Variants in UST observed in about 807,000 individuals in gnomAD.
UST encodes the protein uronyl 2-sulfotransferase.
Under a neutral mutation model 45.6 loss-of-function variants are expected in UST, and 21 were observed. That is an observed-to-expected ratio of 0.46 (90% CI 0.33 to 0.66). The LOEUF (loss-of-function observed/expected upper bound fraction) is 0.66. UST is among the 30% of genes least tolerant of loss of function. The probability of loss-of-function intolerance (pLI) is 0.02; values close to 1 mark genes in which losing one functional copy is unlikely to be tolerated. For synonymous variants in UST, 215 were observed against 200.6 expected, an observed-to-expected ratio of 1.07 and a Z score of -0.61; for missense variants, 463 against 512.4, an observed-to-expected ratio of 0.90 and a Z score of 0.93.
chr6:148,911,609 G>T (rs1037353899), intron 2 of UST, among the ~76,000 whole-genome samples: 7 of 151,654 alleles, frequency 4.6e-5, no homozygotes, highest in Non-Finnish European at 1.0e-4. Context: ...CAATCATTTG[G>T]CGTTGGAAAA....
intron 1 of UST, among the ~76,000 whole-genome samples, chr6:148,752,202 G>T (rs1327007005): frequency 2.6e-5 from 4 of 152,150 alleles, no homozygotes; most frequent in Non-Finnish European, 5.9e-5. Flanking sequence ...CTAAGTTTAA[G>T]TGCATTTAAA....
intron 1 of UST, among the ~76,000 whole-genome samples, chr6:148,756,875 G>T (rs1222517161): frequency 6.6e-6 from 1 of 152,132 alleles, no homozygotes; most frequent in Non-Finnish European, 1.5e-5. Context: ...TGCTTTGTTT[G>T]GTCTCTATTT....
chr6:148,958,414 C>G (rs1780570177), intron 4 of UST, among the ~76,000 whole-genome samples: 1 of 152,298 alleles, frequency 6.6e-6, no homozygotes, highest in South Asian at 2.1e-4. Context: ...GTTGCTGTTG[C>G]ACACAGTTGT....
At chr6:148,785,821 T>A (rs377176942) in intron 1 of UST, among the ~76,000 whole-genome samples, 7 of 152,324 alleles carry the variant, frequency 4.6e-5, no homozygotes, top group African/African-American at 1.7e-4. Context: ...AAACCATGTA[T>A]GTTAAAAAAG....
intron 2 of UST, among the ~76,000 whole-genome samples, chr6:148,932,239 G>A (rs1344940867): frequency 6.6e-6 from 1 of 152,122 alleles, no homozygotes; most frequent in East Asian, 1.9e-4. Flanking sequence ...AATTAGCCAG[G>A]CATGATGCTG....
At chr6:148,841,706 T>C (rs1436729096) in intron 1 of UST, among the ~76,000 whole-genome samples, 2 of 152,222 alleles carry the variant, frequency 1.3e-5, no homozygotes, top group Non-Finnish European at 2.9e-5. Context: ...TTATTTTCTT[T>C]GGTCTACCTA....
chr6:148,889,829 T>C (rs912622984), intron 2 of UST, among the ~76,000 whole-genome samples: 1 of 152,084 alleles, frequency 6.6e-6, no homozygotes, highest in African/African-American at 2.4e-5. Context: ...GTTGGCTGGC[T>C]TCACTTCCCC....
intron 2 of UST, among the ~76,000 whole-genome samples, chr6:148,901,329 G>T (rs559367457): frequency 6.6e-6 from 1 of 152,296 alleles, no homozygotes; most frequent in Non-Finnish European, 1.5e-5. Context: ...TTAGGGTGAT[G>T]CAATTATAAT....
intron 1 of UST, among the ~76,000 whole-genome samples, chr6:148,839,067 G>T (rs1777844196): frequency 6.6e-6 from 1 of 152,182 alleles, no homozygotes; most frequent in Non-Finnish European, 1.5e-5. Context: ...ACTTTAATGT[G>T]CAGAGTAATC....
chr6:148,878,708 G>GGTCATGTGTGAGTTCAGGA (rs148585321), intron 1 of UST, among the ~76,000 whole-genome samples: 2 of 131,040 alleles, frequency 1.5e-5, no homozygotes, highest in African/African-American at 6.3e-5. Flanking sequence ...TGAGTGCGGA[G>GGTCATGTGTGAGTTCAGGA]GTCGTGTATG....
intron 1 of UST, among the ~76,000 whole-genome samples, chr6:148,816,811 T>TA (rs1777364305): frequency 6.6e-6 from 1 of 152,248 alleles, no homozygotes; most frequent in African/African-American, 2.4e-5. Flanking sequence ...AGCTGAATGT[T>TA]ACACTCATTT....
chr6:149,011,467 A>G (rs1018077154), intron 5 of UST, among the ~76,000 whole-genome samples: 6 of 152,222 alleles, frequency 3.9e-5, no homozygotes, highest in African/African-American at 1.4e-4. Flanking sequence ...TTAAAAGTAT[A>G]TAATTGGATT....
At chr6:148,792,880 T>C (rs981353564) in intron 1 of UST, among the ~76,000 whole-genome samples, 3 of 152,226 alleles carry the variant, frequency 2.0e-5, no homozygotes, top group African/African-American at 7.2e-5. Context: ...GATCTAAACA[T>C]TCTTTAGAAA....
intron 6 of UST, among the ~76,000 whole-genome samples, chr6:149,020,395 C>T (rs1000558702): frequency 6.6e-6 from 1 of 152,148 alleles, no homozygotes; most frequent in African/African-American, 2.4e-5. Flanking sequence ...CTGGATGACT[C>T]ACTTGCTGAT....
intron 1 of UST, among the ~76,000 whole-genome samples, chr6:148,751,950 G>A (rs995585898): frequency 2.0e-5 from 3 of 152,150 alleles, no homozygotes; most frequent in Non-Finnish European, 2.9e-5. Flanking sequence ...TTGTACAACC[G>A]ACAAACTCTA....
chr6:148,970,315 G>T (rs1780889439), intron 5 of UST, among the ~76,000 whole-genome samples: 1 of 152,198 alleles, frequency 6.6e-6, no homozygotes, highest in South Asian at 2.1e-4. Context: ...CGGCAGCCAT[G>T]TGTGTAGTGT....
chr6:148,759,370 C>CA (rs965206273), intron 1 of UST, among the ~76,000 whole-genome samples: 6 of 149,138 alleles, frequency 4.0e-5, no homozygotes, highest in East Asian at 2.0e-4. Context: ...CTAAAAAATA[C>CA]AAAAAAATTA....
intron 5 of UST, among the ~76,000 whole-genome samples, chr6:148,994,527 C>A (rs1172551208): frequency 6.6e-6 from 1 of 152,070 alleles, no homozygotes; most frequent in African/African-American, 2.4e-5. Context: ...GAAGTGAGTT[C>A]TTATTCTCTG....
At chr6:148,951,947 A>ATT (rs1398685898) in intron 3 of UST, among the ~76,000 whole-genome samples, 1 of 152,210 alleles carries the variant, frequency 6.6e-6, no homozygotes, top group African/African-American at 2.4e-5. Flanking sequence ...AATTTAACAC[A>ATT]TTGACATGTG....
Sources: gnomAD v4.1 joint callset for allele counts (sites outside exome capture counted in the v4.1 genomes callset) on GRCh38, gnomAD v4.1.1 for gene constraint, MANE v1.5 for transcripts, NCBI Gene and HGNC (gene_info 2026-07-23, HGNC 2026-07-21) for gene names.